Variants in CACNA2D3 observed in about 807,000 individuals in gnomAD.
CACNA2D3 encodes the protein voltage-dependent calcium channel subunit alpha-2/delta-3.
A neutral mutation model predicts 160.6 loss-of-function variants in CACNA2D3; 60 were observed. The ratio of observed to expected loss-of-function variants is 0.37; its 90% CI spans 0.30 to 0.46. The LOEUF (loss-of-function observed/expected upper bound fraction) is 0.46, where lower values mean the gene tolerates loss of function less well. Among genes scored for constraint, CACNA2D3 ranks in the 20% least tolerant of loss-of-function variants. The probability of loss-of-function intolerance (pLI) is 1.00; values close to 1 mark genes in which losing one functional copy is unlikely to be tolerated. For missense variants in CACNA2D3, 1,205 were observed against 1,365.0 expected, an observed-to-expected ratio of 0.88 and a Z score of 1.85; for synonymous variants, 558 against 492.9, an observed-to-expected ratio of 1.13 and a Z score of -1.75.
chr3:54,606,445 G>A (rs1032363973), intron 9 of CACNA2D3, among the ~76,000 whole-genome samples: 2 of 152,158 alleles, frequency 1.3e-5, no homozygotes, highest in African/African-American at 4.8e-5. Flanking sequence ...CAGGGTGAGA[G>A]TGGTGGAGTG....
chr3:54,608,632 G>T (rs965854484), intron 9 of CACNA2D3, among the ~76,000 whole-genome samples: 2 of 152,224 alleles, frequency 1.3e-5, no homozygotes, highest in Non-Finnish European at 2.9e-5. Context: ...CATGCTGTGT[G>T]TAGACCACTT....
chr3:55,018,374 T>G, intron 35 of CACNA2D3, 57 bp downstream of exon 35: 1 of 1,057,222 alleles, frequency 9.5e-7, no homozygotes, highest in South Asian at 1.3e-5. Flanking sequence ...CACAGAACTT[T>G]CCCAGATGGG....
rs189295019 is a variant in CACNA2D3, at chr3:54,871,580, C to T, written c.1668C>T (p.Ser556=). Residue 556 remains serine, a synonymous_variant, in exon 18 of 38, where the codon AGC becomes AGT. Transcript: ENST00000474759. ...GKKRRKPNYS[S]VDLSEVEWED... is the part of the protein sequence containing the mutation. ...AGCGAAGGAAACCTAACTATAGTAG[C>T]GTTGACCTCTCTGAGGTGGAGTGGG... 1.9e-4 allele frequency: 309 copies of T among 1,613,572 alleles called. No homozygotes were observed. The East Asian group carries it at 2.8e-3, about 15-fold the overall frequency.
intron 3 of CACNA2D3, among the ~76,000 whole-genome samples, chr3:54,342,460 A>T (rs138314264): frequency 0.01 from 1,574 of 152,226 alleles, 32 homozygotes; most frequent in African/African-American, 0.036. Flanking sequence ...TGGAGAGGGC[A>T]TGTGCAGGCT....
At chr3:54,621,200 C>T (rs72868887) in intron 9 of CACNA2D3, among the ~76,000 whole-genome samples, 2,608 of 152,272 alleles carry the variant, frequency 0.017, 88 homozygotes, top group African/African-American at 0.059. Flanking sequence ...ACAGGAAGGA[C>T]TCAAACATTT....
intron 10 of CACNA2D3, among the ~76,000 whole-genome samples, chr3:54,630,254 C>T (rs974173897): frequency 2.0e-5 from 3 of 152,092 alleles, no homozygotes; most frequent in African/African-American, 7.2e-5. Context: ...TCTCTAGACA[C>T]AGCTCCCACT....
Position 54,879,403 on chromosome 3 carries a change from T to C in CACNA2D3, c.1836T>C (p.Thr612=). 1 of 1,608,844 alleles carries C rather than the reference T, an allele frequency of 6.2e-7. No homozygotes were observed. Among genetic ancestry groups the C allele is most frequent in the Non-Finnish European group, 8.5e-7 (1 of 1,176,416 alleles). Residue 612 remains threonine (T), a synonymous_variant, in exon 20 of 38, where the codon ACT becomes ACC. Transcript: ENST00000474759. ...ACTATTATACAGACATCAAGGGTAC[T>C]CCTTTCAGGTAGAGCTGACCATAAT... ...NDYYYTDIKG[T]PFSLGVALSR...
intron 27 of CACNA2D3, among the ~76,000 whole-genome samples, chr3:54,947,660 C>T (rs1279907667): frequency 6.6e-6 from 1 of 152,130 alleles, no homozygotes; most frequent in East Asian, 1.9e-4. Flanking sequence ...AATTTTTGCT[C>T]TGGCTATACC....
intron 3 of CACNA2D3, among the ~76,000 whole-genome samples, chr3:54,369,339 A>G (rs1224069559): frequency 1.3e-5 from 2 of 152,072 alleles, no homozygotes; most frequent in Non-Finnish European, 2.9e-5. Flanking sequence ...TCGCTTTGAC[A>G]GTGACAGGGA....
intron 4 of CACNA2D3, among the ~76,000 whole-genome samples, chr3:54,452,779 G>C (rs1486595528): frequency 6.6e-6 from 1 of 152,074 alleles, no homozygotes; most frequent in Non-Finnish European, 1.5e-5. Flanking sequence ...TGTCAGCAGG[G>C]CGATGCTCCC....
At chr3:54,983,083 G>T (rs1468020594) in intron 29 of CACNA2D3, among the ~76,000 whole-genome samples, 1 of 152,142 alleles carries the variant, frequency 6.6e-6, no homozygotes, top group African/African-American at 2.4e-5. Flanking sequence ...AATGCTTCTG[G>T]CAATGACATT....
chr3:54,860,007 C>CACAT (rs1412462629), intron 17 of CACNA2D3, among the ~76,000 whole-genome samples: 1 of 151,686 alleles, frequency 6.6e-6, no homozygotes, highest in African/African-American at 2.4e-5. Flanking sequence ...CACACACACA[C>CACAT]ACACACAAAC....
chr3:54,347,614 T>C (rs1004565643), intron 3 of CACNA2D3, among the ~76,000 whole-genome samples: 2 of 151,924 alleles, frequency 1.3e-5, no homozygotes, highest in Non-Finnish European at 2.9e-5. Flanking sequence ...AAGAATGAGA[T>C]TGTGCTGTGT....
chr3:54,426,625 C>G (rs982956778), intron 4 of CACNA2D3, among the ~76,000 whole-genome samples: 1 of 152,204 alleles, frequency 6.6e-6, no homozygotes, highest in Non-Finnish European at 1.5e-5. Flanking sequence ...TAAATACCAG[C>G]CCCAATTAGT....
chr3:55,073,734 A>G, intron 36 of CACNA2D3, 43 bp from the exon 37 acceptor site: 1 of 1,531,208 alleles, frequency 6.5e-7, no homozygotes, highest in South Asian at 1.1e-5. Context: ...AATGCAGAGT[A>G]GAAAAAAGCA....
intron 13 of CACNA2D3, among the ~76,000 whole-genome samples, chr3:54,773,496 G>C (rs973857229): frequency 2.6e-5 from 4 of 152,184 alleles, no homozygotes; most frequent in Non-Finnish European, 5.9e-5. Context: ...ATTATGTTGG[G>C]ACCTCTATTT....
At chr3:54,298,800 C>T (rs1291501923) in intron 2 of CACNA2D3, among the ~76,000 whole-genome samples, 1 of 140,370 alleles carries the variant, frequency 7.1e-6, no homozygotes, top group Non-Finnish European at 1.6e-5. Context: ...AAGTGGAGGC[C>T]AGGTGGCTCC....
intron 2 of CACNA2D3, among the ~76,000 whole-genome samples, chr3:54,181,500 A>G (rs1226471398): frequency 1.3e-5 from 2 of 152,328 alleles, no homozygotes; most frequent in East Asian, 1.9e-4. Flanking sequence ...AGTAATTCCA[A>G]ATATATTCTT....
Position 54,883,816 on chromosome 3 carries a change from TCTCTCTC to T in CACNA2D3, c.1913-1457_1913-1451del, listed in dbSNP as rs1432092698. 2.5e-3 allele frequency among the ~76,000 whole-genome samples: 358 copies of T among 142,172 alleles called. 1 individual carries two copies. The highest frequency in any genetic ancestry group is 0.013 in the East Asian group (66 of 5,040). 93.3% of individuals were successfully genotyped at this position (142,172 alleles called of 152,430 possible). A position where few individuals can be genotyped will look rare whatever the true frequency, so the allele number is the denominator to read the frequency against. On this transcript the variant is annotated intron_variant, in intron 21 of 37. Coordinates refer to ENST00000474759, the MANE Select transcript of CACNA2D3 (RefSeq NM_018398.3). Reference sequence around the variant, plus strand: ...ACAATGGAATCTCTCTCTCTCTCTCTCTCTCTCCTCTCTCTCCCTTCAACCCTCCTTA... The same window carrying T: ...ACAATGGAATCTCTCTCTCTCTCTCTCTCTCTCTCCCTTCAACCCTCCTTA...
Sources: gnomAD v4.1 joint callset for allele counts (sites outside exome capture counted in the v4.1 genomes callset) on GRCh38, gnomAD v4.1.1 for gene constraint, MANE v1.5 for transcripts, NCBI Gene and HGNC (gene_info 2026-07-23, HGNC 2026-07-21) for gene names.